The following PIWIL2 variants were observed in gnomAD, a reference collection of about 807,000 sequenced individuals.
The protein encoded by PIWIL2 is piwi-like protein 2.
In PIWIL2, 81 loss-of-function variants were observed where a neutral mutation model predicts 116.5. The ratio of observed to expected loss-of-function variants is 0.70; its 90% confidence interval spans 0.58 to 0.84. PIWIL2 has a LOEUF of 0.84. Ranked by LOEUF, PIWIL2 falls within the 40% of genes least tolerant of loss-of-function variation. The probability of loss-of-function intolerance (pLI) is 0.00; values close to 1 mark genes in which losing one functional copy is unlikely to be tolerated. For synonymous variants in PIWIL2, 489 were observed against 429.5 expected (o/e 1.14, Z -1.71); for missense variants, 1,272 against 1,212.3 (o/e 1.05, Z -0.73).
At chr8:22,287,751 C>G (rs1450685702) in intron 7 of PIWIL2, 106 bp downstream of exon 7, 2 of 745,192 alleles carry the variant, frequency 2.7e-6, no homozygotes, top group Non-Finnish European at 4.8e-6. Flanking sequence ...GTTGCCCAGA[C>G]TGGTCTCGAA....
chr8:22,294,900 GAAAAAAAAAAAAAAA>G (rs57742067), intron 10 of PIWIL2, among the ~76,000 whole-genome samples: 43 of 93,650 alleles, frequency 4.6e-4, no homozygotes, highest in Non-Finnish European at 7.6e-4. Flanking sequence ...ATCTTTACTG[GAAAAAAAAAAAAAAA>G]AAAAAAAAAA....
intron 20 of PIWIL2, among the ~76,000 whole-genome samples, chr8:22,351,269 G>C (rs1210992935): frequency 6.6e-6 from 1 of 150,434 alleles, no homozygotes; most frequent in Non-Finnish European, 1.5e-5. Flanking sequence ...CAGTGGCTAT[G>C]ATTACACCAC....
rs182498466 is a variant in PIWIL2, at chr8:22,310,178, A to G, written c.1800+104A>G. 4.5e-4 allele frequency: 292 copies of G among 646,844 alleles called. 4 individuals carry two copies. The African/African-American group carries it at 5.0e-3, about 11-fold the overall frequency. The allele number at this position is 646,844 out of a possible 1,614,324, so 40.1% of individuals were successfully genotyped here. ...GTCTTCTTTTTTGAGGGAAAGTACCAATTGAATCCCCATTCTGAATTACCT... is the reference window on the plus strand; with the variant it reads ...GTCTTCTTTTTTGAGGGAAAGTACCGATTGAATCCCCATTCTGAATTACCT... On this transcript the variant is annotated intron_variant, in intron 15 of 22. Coordinates refer to ENST00000356766, the MANE Select transcript of PIWIL2 (RefSeq NM_018068.5).
rs758251377 is a variant in PIWIL2, at chr8:22,281,467, T to G, written c.377T>G (p.Leu126Trp). ...CCCACTTTTTGGGATCCAAAAGTGT[T>G]GGCGGCTGGGGACAGCAAGATGGCA... The part of the protein sequence containing the change: ...LSPTFWDPKV[L>W]AAGDSKMAET... Residue 126 changes from leucine to tryptophan, a missense_variant, in exon 4 of 23, where the codon TTG (leucine) becomes TGG (tryptophan). Physicochemically the swap from Leu to Trp is moderately conservative, Grantham distance 61. Transcript: ENST00000356766. 3 of 1,603,854 alleles carry G rather than the reference T, an allele frequency of 1.9e-6. No homozygotes were observed. The highest frequency in any genetic ancestry group is 2.5e-6 in the Non-Finnish European group (3 of 1,177,878).
At chr8:22,341,626 G>A (rs777233826) in intron 20 of PIWIL2, among the ~76,000 whole-genome samples, 7 of 149,802 alleles carry the variant, frequency 4.7e-5, no homozygotes, top group East Asian at 2.0e-4. Flanking sequence ...TTCCCAGCAC[G>A]TTAGGAATAG....
At chr8:22,321,418 GTTTCA>G (rs571859268) in intron 20 of PIWIL2, among the ~76,000 whole-genome samples, 111 of 152,164 alleles carry the variant, frequency 7.3e-4, no homozygotes, top group Admixed American at 1.6e-3. Context: ...TGGCCAAAAG[GTTTCA>G]TTTCTTTCAG....
intron 20 of PIWIL2, among the ~76,000 whole-genome samples, chr8:22,333,986 T>TG (rs1430049163): frequency 6.6e-6 from 1 of 151,130 alleles, no homozygotes; most frequent in African/African-American, 2.4e-5. Flanking sequence ...TTTTTTTTTT[T>TG]GGAGACAGTT....
chr8:22,338,908 A>G (rs891080573), intron 20 of PIWIL2, among the ~76,000 whole-genome samples: 1 of 152,192 alleles, frequency 6.6e-6, no homozygotes, highest in African/African-American at 2.4e-5. Context: ...TCTTTAAAAA[A>G]TACACTCACA....
At chr8:22,314,746 A>G (rs1831414481) in intron 17 of PIWIL2, among the ~76,000 whole-genome samples, 1 of 152,162 alleles carries the variant, frequency 6.6e-6, no homozygotes, top group South Asian at 2.1e-4. Context: ...TATGGGAGTT[A>G]AAAAAGCATT....
intron 1 of PIWIL2, among the ~76,000 whole-genome samples, chr8:22,277,513 G>A (rs1830404476): frequency 6.6e-6 from 1 of 152,156 alleles, no homozygotes; most frequent in African/African-American, 2.4e-5. Flanking sequence ...TTTGAAAGAA[G>A]AGAGTTTTTA....
intron 20 of PIWIL2, 58 bp from the exon 21 acceptor site, chr8:22,352,901 G>A: frequency 1.9e-6 from 3 of 1,551,706 alleles, no homozygotes; most frequent in Non-Finnish European, 2.6e-6. Flanking sequence ...GCCTCTCACT[G>A]ACTGTGGTCC....
chr8:22,325,788 T>C (rs746331114), intron 20 of PIWIL2, among the ~76,000 whole-genome samples: 2 of 151,970 alleles, frequency 1.3e-5, no homozygotes, highest in Non-Finnish European at 1.5e-5. Context: ...CCAGCCTTGT[T>C]TTAGTCCTTT....
chr8:22,304,357 G>C, intron 11 of PIWIL2, 148 bp downstream of exon 11: 2 of 582,854 alleles, frequency 3.4e-6, no homozygotes, highest in Middle Eastern at 5.9e-4. Context: ...GAATGAGCTT[G>C]TTTGTGGGAT....
chr8:22,356,254 A>G lies in PIWIL2; in HGVS notation c.*749A>G, dbSNP rs1832489014. ...AAAGGCAGTGGAAGGTCTGTGAAGC[A>G]AAGTTTTCAAGTAGATATTGCTATT... On this transcript the variant is annotated 3_prime_UTR_variant, in exon 23 of 23. Transcript: ENST00000356766. The G allele has an allele frequency of 2.0e-5, 3 of 152,004 alleles. No homozygotes were observed. The allele number at this position is 152,004 out of a possible 1,614,324, so 9.4% of individuals were successfully genotyped here.
At chr8:22,309,201 C>T (rs1459664879) in intron 14 of PIWIL2, among the ~76,000 whole-genome samples, 1 of 151,842 alleles carries the variant, frequency 6.6e-6, no homozygotes, top group African/African-American at 2.4e-5. Context: ...ACCTCGTGAT[C>T]CACCCGCCTT....
At chr8:22,294,810 C>G (rs1830853583) in intron 10 of PIWIL2, among the ~76,000 whole-genome samples, 1 of 144,138 alleles carries the variant, frequency 6.9e-6, no homozygotes, top group Admixed American at 7.3e-5. Flanking sequence ...CCTGTCATCC[C>G]AGGACTTTGG....
rs1296647187 is a variant in PIWIL2, at chr8:22,344,196, A to G, written c.2404-8763A>G. Among the ~76,000 whole-genome samples, 4 of 152,370 alleles carry G rather than the reference A, an allele frequency of 2.6e-5. No individual in the cohort carries two copies. The East Asian group carries it at 7.7e-4, about 29-fold the overall frequency. On this transcript the variant is annotated intron_variant, in intron 20 of 22. Coordinates refer to ENST00000356766, the MANE Select transcript of PIWIL2 (RefSeq NM_018068.5). The stretch of plus-strand genomic sequence containing the variant: ...GAATGCATAAATGTGGTGACAGTAA[A>G]AAGTGGCTGTCAAGGGTTTGGAAGG...
At chr8:22,320,254 C>T (rs1202397171) in intron 20 of PIWIL2, among the ~76,000 whole-genome samples, 1 of 146,162 alleles carries the variant, frequency 6.8e-6, no homozygotes, top group East Asian at 2.0e-4. Flanking sequence ...AGCTGCTGCG[C>T]CCGGCTTTTT....
chr8:22,353,630 T>A (rs1050165012), intron 21 of PIWIL2, among the ~76,000 whole-genome samples: 2 of 152,058 alleles, frequency 1.3e-5, no homozygotes, highest in African/African-American at 2.4e-5. Context: ...AGAGAGAGAC[T>A]CTGTCTCAAA....
Sources: gnomAD v4.1 joint callset for allele counts (sites outside exome capture counted in the v4.1 genomes callset) on GRCh38, gnomAD v4.1.1 for gene constraint, MANE v1.5 for transcripts, NCBI Gene and HGNC (gene_info 2026-07-23, HGNC 2026-07-21) for gene names.